The following TRIM37 variants were observed in gnomAD, a reference collection of about 807,000 sequenced individuals.
The protein encoded by TRIM37 is E3 ubiquitin-protein ligase TRIM37.
A neutral mutation model predicts 129.8 loss-of-function variants in TRIM37; 80 were observed. The observed-to-expected ratio is 0.62, with a 90% CI of 0.51 to 0.74. The LOEUF is 0.74. Among genes scored for constraint, TRIM37 ranks in the 30% least tolerant of loss-of-function variants. The pLI, the probability that TRIM37 is intolerant of heterozygous loss-of-function variation, is 0.00. For synonymous variants in TRIM37, 389 were observed against 387.1 expected (o/e 1.00, Z -0.06); for missense variants, 1,054 against 1,176.5 (o/e 0.90, Z 1.52).
At chr17:58,994,980 C>T (rs1362696208), downstream of TRIM37, among the ~76,000 whole-genome samples, 2 of 152,058 alleles carry the variant, frequency 1.3e-5, no homozygotes, top group Non-Finnish European at 2.9e-5. Flanking sequence ...AACTCCCGAC[C>T]TCAGGTGATC....
In TRIM37 at chr17:59,075,729, T is replaced by C; in HGVS notation, c.617-15A>G. On this transcript the variant is annotated splice_polypyrimidine_tract_variant and intron_variant, in intron 7 of 23. Coordinates refer to ENST00000262294, the MANE Select transcript of TRIM37 (RefSeq NM_015294.6). The stretch of plus-strand genomic sequence containing the variant: ...TGTCTTCTGACCTGATGAAAAATAG[T>C]GAATCATCAACACTTGGGTTCATTA... 6.3e-7 allele frequency: 1 copy of C among 1,585,554 alleles called. No homozygotes were observed. Among genetic ancestry groups the C allele is most frequent in the Non-Finnish European group, 8.7e-7 (1 of 1,155,944 alleles).
chr17:59,087,856 C>T (rs73993851), intron 4 of TRIM37: 9,151 of 189,088 alleles, frequency 0.048, 815 homozygotes, highest in African/African-American at 0.21. Context: ...ATCACTCTTT[C>T]CTTTCTTTAC....
intron 2 of TRIM37, among the ~76,000 whole-genome samples, chr17:59,103,806 C>T (rs1271247619): frequency 1.3e-5 from 2 of 151,792 alleles, no homozygotes; most frequent in Non-Finnish European, 2.9e-5. Flanking sequence ...TGCCACCATG[C>T]CCAGCTAATT....
rs780203335 is a variant in TRIM37 at position 59,051,203 on chromosome 17, T to C, written c.1314+11A>G. 2 of 1,539,898 alleles carry C rather than the reference T, an allele frequency of 1.3e-6. No homozygotes were observed. The highest frequency in any genetic ancestry group is 1.8e-6 in the Non-Finnish European group (2 of 1,112,816). Reference sequence around the variant, plus strand: ...TAGGAAACACCAAAACAGAAATAGATATTTTCTTACCTCTTTAAGGTTGTT... The same window carrying C: ...TAGGAAACACCAAAACAGAAATAGACATTTTCTTACCTCTTTAAGGTTGTT... On this transcript the variant is annotated intron_variant, in intron 14 of 23. Transcript: ENST00000262294.
chr17:59,047,062 G>A (rs1354528514), intron 16 of TRIM37, among the ~76,000 whole-genome samples: 1 of 151,666 alleles, frequency 6.6e-6, no homozygotes, highest in Non-Finnish European at 1.5e-5. Context: ...GCTGAGGCAG[G>A]AGAATGGCGT....
chr17:58,973,428 AAGAG>A, the TRIM37 span, among the ~76,000 whole-genome samples: 1 of 151,694 alleles, frequency 6.6e-6, no homozygotes, highest in Non-Finnish European at 1.5e-5. Context: ...AAAAAAAAAA[AAGAG>A]AACCATATCA....
At chr17:59,100,912 C>T (rs1443142770) in intron 2 of TRIM37, among the ~76,000 whole-genome samples, 1 of 151,456 alleles carries the variant, frequency 6.6e-6, no homozygotes, top group Non-Finnish European at 1.5e-5. Flanking sequence ...ATCCCAGCTA[C>T]TTGGGAGGCT....
chr17:59,048,682 C>T (rs1406765096), intron 15 of TRIM37, among the ~76,000 whole-genome samples: 4 of 152,082 alleles, frequency 2.6e-5, no homozygotes, highest in Admixed American at 2.6e-4. Context: ...CTGCAACCTC[C>T]GCCTCCTAGG....
At chr17:59,004,758 T>C (rs574186662) in intron 22 of TRIM37, among the ~76,000 whole-genome samples, 7 of 152,310 alleles carry the variant, frequency 4.6e-5, no homozygotes, top group African/African-American at 9.6e-5. Context: ...GTATTTTAAC[T>C]CTTAAAGAAA....
intron 16 of TRIM37, among the ~76,000 whole-genome samples, chr17:59,046,970 C>T (rs1279595021): frequency 3.3e-5 from 5 of 150,714 alleles, no homozygotes; most frequent in Admixed American, 6.6e-5. Context: ...CTGGCTAACA[C>T]GGTGAAACCC....
At chr17:59,098,712 T>C (rs2045157428) in intron 2 of TRIM37, among the ~76,000 whole-genome samples, 2 of 150,946 alleles carry the variant, frequency 1.3e-5, no homozygotes, top group Non-Finnish European at 2.9e-5. Flanking sequence ...TAGGTATATT[T>C]TACCACAATT....
At chr17:59,015,502 A>G in intron 21 of TRIM37, 108 bp downstream of exon 21, 1 of 1,187,860 alleles carries the variant, frequency 8.4e-7, no homozygotes, top group Non-Finnish European at 1.2e-6. Context: ...CTGTCCACTA[A>G]AAAATTAACA....
chr17:59,052,213 TAAAA>T (rs35673171), intron 13 of TRIM37, among the ~76,000 whole-genome samples: 2 of 143,886 alleles, frequency 1.4e-5, no homozygotes, highest in African/African-American at 5.1e-5. Context: ...TTGTTTTAAT[TAAAA>T]AAAAAAAAAA....
chr17:58,969,395 A>G, the TRIM37 span: 6 of 810,282 alleles, frequency 7.4e-6, no homozygotes, highest in Non-Finnish European at 1.1e-5. Context: ...CAGGCATGTT[A>G]GAGAAGGAAA....
chr17:58,997,954 G>A (rs549689441), downstream of TRIM37, among the ~76,000 whole-genome samples: 4 of 152,264 alleles, frequency 2.6e-5, no homozygotes, highest in Non-Finnish European at 5.9e-5. Context: ...TGGAAACGAG[G>A]GGGAAACTAC....
intron 22 of TRIM37, among the ~76,000 whole-genome samples, chr17:59,006,254 G>T (rs1345196461): frequency 6.6e-6 from 1 of 152,116 alleles, no homozygotes; most frequent in Non-Finnish European, 1.5e-5. Flanking sequence ...GTCAATGATA[G>T]CAATTACAAG....
chr17:59,015,810 A>G lies in TRIM37; in HGVS notation c.2387-11T>C, dbSNP rs768481639. 1 of 1,611,870 alleles carries G rather than the reference A, an allele frequency of 6.2e-7. No homozygotes were observed. The highest frequency in any genetic ancestry group is 8.5e-7 in the Non-Finnish European group (1 of 1,179,646). On this transcript the variant is annotated splice_polypyrimidine_tract_variant and intron_variant, in intron 20 of 23. Transcript: ENST00000262294. The stretch of plus-strand genomic sequence containing the variant: ...AGCTTCCTGGGGAGCCTTCAAAAAA[A>G]GGAAGATGGAATACAAAAATTAGCT...
chr17:59,028,362 T>A lies in TRIM37; in HGVS notation c.2257+53A>T, dbSNP rs569999865. On this transcript the variant is annotated intron_variant, in intron 19 of 23. Transcript: ENST00000262294. The stretch of plus-strand genomic sequence containing the variant: ...ATTATTCTTTTGAAAAAACCAGTCA[T>A]CTAGTTTCCCAAATAACGTGTGGAG... 3.2e-6 allele frequency: 5 copies of A among 1,544,336 alleles called. No homozygotes were observed. The East Asian group carries it at 1.1e-4, about 35-fold the overall frequency.
chr17:59,078,482 C>T (rs2043002672), intron 7 of TRIM37, among the ~76,000 whole-genome samples: 1 of 152,110 alleles, frequency 6.6e-6, no homozygotes, highest in Non-Finnish European at 1.5e-5. Flanking sequence ...TGAACAAACT[C>T]ACTCAAGAAA....
Sources: allele counts gnomAD v4.1 joint callset (sites outside exome capture counted in the v4.1 genomes callset), GRCh38; gene constraint gnomAD v4.1.1; transcripts MANE v1.5; gene names NCBI Gene and HGNC (gene_info 2026-07-23, HGNC 2026-07-21).